The following LDLRAD4 variants were observed in gnomAD, a reference collection of about 807,000 sequenced individuals.
The protein encoded by LDLRAD4 is low density lipoprotein receptor class A domain containing 4, also known as low-density lipoprotein receptor class A domain-containing protein 4.
LDLRAD4 carries 5 observed loss-of-function variants against 17.0 expected under a neutral mutation model. The ratio of observed to expected loss-of-function variants is 0.29; its 90% CI spans 0.15 to 0.62. The LOEUF (loss-of-function observed/expected upper bound fraction) is 0.62. Ranked by LOEUF, LDLRAD4 falls within the 20% of genes least tolerant of loss-of-function variation. LDLRAD4 has a pLI of 0.84. For synonymous variants in LDLRAD4, 168 were observed against 171.8 expected (o/e 0.98, Z 0.17); for missense variants, 340 against 424.7 (o/e 0.80, Z 1.75).
At chr18:13,510,300 T>A (rs1242854293) in intron 3 of LDLRAD4, among the ~76,000 whole-genome samples, 1 of 152,194 alleles carries the variant, frequency 6.6e-6, no homozygotes, top group African/African-American at 2.4e-5. Context: ...CCTATGATTT[T>A]AGCTAAATCC....
At chr18:13,508,220 G>A (rs1043282717) in intron 3 of LDLRAD4, among the ~76,000 whole-genome samples, 2 of 152,196 alleles carry the variant, frequency 1.3e-5, no homozygotes, top group Non-Finnish European at 1.5e-5. Flanking sequence ...AGAAAAGTTG[G>A]AAGCTAGCAG....
At chr18:13,437,147 G>T (rs914221970) in intron 2 of LDLRAD4, among the ~76,000 whole-genome samples, 1 of 152,194 alleles carries the variant, frequency 6.6e-6, no homozygotes, top group Non-Finnish European at 1.5e-5. Flanking sequence ...AATCTGAGTT[G>T]AAAGGACCTT....
intron 3 of LDLRAD4, among the ~76,000 whole-genome samples, chr18:13,558,769 C>G (rs1459802618): frequency 1.3e-5 from 2 of 152,104 alleles, no homozygotes; most frequent in Non-Finnish European, 2.9e-5. Context: ...AAATATAAAA[C>G]AGTAAGAAAA....
chr18:13,610,314 G>T, intron 3 of LDLRAD4, among the ~76,000 whole-genome samples: 3 of 64,270 alleles, frequency 4.7e-5, no homozygotes, highest in African/African-American at 9.8e-5. Context: ...TTGAGACGGA[G>T]TCTCACTCTG....
chr18:13,515,889 T>A (rs2093858282), intron 3 of LDLRAD4: 1 of 152,242 alleles, frequency 6.6e-6, no homozygotes, highest in Non-Finnish European at 1.5e-5. Flanking sequence ...TATAGCTGAC[T>A]GCAGCTTTGA....
intron 3 of LDLRAD4, among the ~76,000 whole-genome samples, chr18:13,456,755 C>T (rs549426680): frequency 5.9e-5 from 9 of 152,300 alleles, no homozygotes; most frequent in South Asian, 4.2e-4. Context: ...ATTATATTTG[C>T]AGACATGAAC....
intron 3 of LDLRAD4, among the ~76,000 whole-genome samples, chr18:13,482,358 C>T (rs9951222): frequency 0.1 from 15,258 of 152,260 alleles, 2,580 homozygotes; most frequent in African/African-American, 0.34. Flanking sequence ...CTGCAGACCA[C>T]GCCATGTGCT....
At chr18:13,296,652 C>T (rs752063111) in intron 1 of LDLRAD4, among the ~76,000 whole-genome samples, 1 of 151,406 alleles carries the variant, frequency 6.6e-6, no homozygotes, top group Non-Finnish European at 1.5e-5. Flanking sequence ...GCTGGGATTA[C>T]AGGCGTGAGC....
chr18:13,482,515 C>G (rs977538282), intron 3 of LDLRAD4, among the ~76,000 whole-genome samples: 1 of 152,208 alleles, frequency 6.6e-6, no homozygotes, highest in African/African-American at 2.4e-5. Flanking sequence ...TTTCAGTTCC[C>G]CCCATCACCA....
chr18:13,411,097 A>G (rs2088294263), intron 2 of LDLRAD4, among the ~76,000 whole-genome samples: 1 of 152,246 alleles, frequency 6.6e-6, no homozygotes, highest in East Asian at 1.9e-4. Flanking sequence ...CTAAAAATAC[A>G]AACATTTAGC....
At position 13,440,708 on chromosome 18, in the gene LDLRAD4, G is replaced by A. The variant is rs560402464; in HGVS notation, c.181+2324G>A. 3.9e-4 allele frequency among the ~76,000 whole-genome samples: 59 copies of A among 152,300 alleles called. 1 individual carries two copies. Among genetic ancestry groups the A allele is most frequent in the African/African-American group, 1.3e-3 (54 of 41,572 alleles). The stretch of plus-strand genomic sequence containing the variant: ...ACTTCCTGCCGTGTAAGCATCTAAA[G>A]GAAAGAACGTCCATGGGAAACACAG... On this transcript the variant is annotated intron_variant, in intron 3 of 5. Transcript: ENST00000359446. The surrounding 1 kb of genome is among the most constrained non-coding windows in gnomAD (Gnocchi z 4.4).
At chr18:13,481,614 C>T (rs1244690221) in intron 3 of LDLRAD4, among the ~76,000 whole-genome samples, 3 of 152,152 alleles carry the variant, frequency 2.0e-5, no homozygotes, top group African/African-American at 7.2e-5. Flanking sequence ...CCGCACGCAC[C>T]TCTTCTGGGG....
chr18:13,232,485 G>T (rs1256870632), intron 1 of LDLRAD4, among the ~76,000 whole-genome samples: 1 of 150,902 alleles, frequency 6.6e-6, no homozygotes, highest in African/African-American at 2.5e-5. Flanking sequence ...CTTGTCCGGG[G>T]GCTGCTGCTG....
At chr18:13,545,788 G>T (rs1305231725) in intron 3 of LDLRAD4, among the ~76,000 whole-genome samples, 1 of 152,202 alleles carries the variant, frequency 6.6e-6, no homozygotes, top group Admixed American at 6.5e-5. Context: ...ACAGTGGGGT[G>T]GAGCCTTCCA....
At chr18:13,249,668 G>A (rs1218877296) in intron 1 of LDLRAD4, among the ~76,000 whole-genome samples, 2 of 151,108 alleles carry the variant, frequency 1.3e-5, no homozygotes, top group Non-Finnish European at 2.9e-5. Flanking sequence ...CAGATGCATT[G>A]TCTGCAGGTA....
At chr18:13,520,487 C>T (rs1325631032) in intron 3 of LDLRAD4, 2 of 152,226 alleles carry the variant, frequency 1.3e-5, no homozygotes, top group African/African-American at 4.8e-5. Context: ...GGCCCAGCTG[C>T]CTGGAATGTC....
chr18:13,302,573 A>G lies in LDLRAD4; in HGVS notation c.-383+24385A>G, dbSNP rs150792953. ...TTCAGTTAAATACTTACTGATGTGCATGGAGGCCAAATGCAGATGAGTGTC... is the reference window on the plus strand; with the variant it reads ...TTCAGTTAAATACTTACTGATGTGCGTGGAGGCCAAATGCAGATGAGTGTC... On this transcript the variant is annotated intron_variant, in intron 1 of 5. Coordinates refer to ENST00000359446, the Ensembl canonical transcript of LDLRAD4. Among the ~76,000 whole-genome samples, 46 of 152,292 alleles carry G rather than the reference A, an allele frequency of 3.0e-4. No homozygotes were observed. The East Asian group carries it at 6.9e-3, about 23-fold the overall frequency.
At chr18:13,449,811 G>A (rs926474542) in intron 3 of LDLRAD4, among the ~76,000 whole-genome samples, 20 of 152,240 alleles carry the variant, frequency 1.3e-4, no homozygotes, top group African/African-American at 4.8e-5. Flanking sequence ...GTTCCAGGTA[G>A]GGTGTACCGC....
chr18:13,270,517 C>T (rs2044474110), intron 1 of LDLRAD4, among the ~76,000 whole-genome samples: 2 of 152,124 alleles, frequency 1.3e-5, no homozygotes, highest in Non-Finnish European at 2.9e-5. Flanking sequence ...CACTGGAAGC[C>T]AAGGCAAAGG....
Sources: allele counts gnomAD v4.1 joint callset (sites outside exome capture counted in the v4.1 genomes callset), GRCh38; gene constraint gnomAD v4.1.1; non-coding constraint Gnocchi (gnomAD v3.1); transcripts MANE v1.5; gene names NCBI Gene and HGNC (gene_info 2026-07-23, HGNC 2026-07-21).